Variants in F2RL1 observed in about 807,000 individuals in gnomAD.
The protein encoded by F2RL1 is F2R like trypsin receptor 1.
A neutral mutation model predicts 21.7 loss-of-function variants in F2RL1; 16 were observed. The ratio of observed to expected loss-of-function variants is 0.74; its 90% CI spans 0.50 to 1.12. The LOEUF is 1.12. F2RL1 is among the 50% of genes most tolerant of loss of function. The probability of loss-of-function intolerance (pLI) is 0.00; values close to 1 mark genes in which losing one functional copy is unlikely to be tolerated. For synonymous variants in F2RL1, 181 were observed against 186.7 expected (o/e 0.97, Z 0.25); for missense variants, 432 against 477.8 (o/e 0.90, Z 0.89).
chr5:76,819,708 C>T (rs371226085), intron 1 of F2RL1, among the ~76,000 whole-genome samples: 32 of 152,126 alleles, frequency 2.1e-4, no homozygotes, highest in East Asian at 1.2e-3. Flanking sequence ...CCGCTGGCCC[C>T]GCGGGGCCGG....
chr5:76,832,600 A>C, intron 1 of F2RL1, 90 bp from the exon 2 acceptor site: 3 of 1,277,524 alleles, frequency 2.3e-6, no homozygotes, highest in Non-Finnish European at 3.2e-6. Context: ...TTAAAAAATG[A>C]ATAAATGAAT....
chr5:76,835,082 T>TA lies in F2RL1; in HGVS notation c.*1287dup, dbSNP rs1750431320. 6.6e-6 allele frequency: 1 copy of TA among 152,348 alleles called. No individual in the cohort carries two copies. The highest frequency in any genetic ancestry group is 2.1e-4 in the South Asian group (1 of 4,836). The allele number at this position is 152,348 out of a possible 1,614,324, so 9.4% of individuals were successfully genotyped here. A position where few individuals can be genotyped will look rare whatever the true frequency, so the allele number is the denominator to read the frequency against. ...GAATAGCATTTGCCACTTAGTATTT[T>TA]AAAAAATAATTGTTGGAGTATTTAT... On this transcript the variant is annotated 3_prime_UTR_variant, in exon 2 of 2. Transcript: ENST00000296677.
rs192753826 is a variant in F2RL1 at position 76,825,659 on chromosome 5, C to T, written c.82+6395C>T. Among the ~76,000 whole-genome samples, 244 of 152,282 alleles carry T rather than the reference C, an allele frequency of 1.6e-3. 1 individual carries two copies. Among genetic ancestry groups the T allele is most frequent in the Admixed American group, 3.2e-3 (49 of 15,292 alleles). On this transcript the variant is annotated intron_variant, in intron 1 of 1. Coordinates refer to ENST00000296677, the MANE Select transcript of F2RL1 (RefSeq NM_005242.6). ...TGACAATTGGGAGCTGGGATAGCATCGGTTCTCTAGACAAGCTCTGTGAGT... is the reference window on the plus strand; with the variant it reads ...TGACAATTGGGAGCTGGGATAGCATTGGTTCTCTAGACAAGCTCTGTGAGT...
chr5:76,821,578 G>T (rs1189786867), intron 1 of F2RL1, among the ~76,000 whole-genome samples: 36 of 129,282 alleles, frequency 2.8e-4, no homozygotes, highest in Admixed American at 7.8e-4. Context: ...TGTTTTTTTG[G>T]TTTTTTGGGT....
intron 1 of F2RL1, among the ~76,000 whole-genome samples, chr5:76,825,801 C>T (rs914263639): frequency 3.9e-5 from 6 of 152,038 alleles, no homozygotes; most frequent in Admixed American, 3.3e-4. Context: ...TTAATATCAA[C>T]AATAGTTTTG....
chr5:76,829,664 A>G (rs1350248197), intron 1 of F2RL1, among the ~76,000 whole-genome samples: 5 of 152,154 alleles, frequency 3.3e-5, no homozygotes, highest in Non-Finnish European at 7.3e-5. Context: ...TTGTCATTCT[A>G]AGTTAAGTGG....
intron 1 of F2RL1, among the ~76,000 whole-genome samples, 198 bp from the exon 2 acceptor site, chr5:76,832,492 T>G (rs1027492662): frequency 6.6e-6 from 1 of 152,130 alleles, no homozygotes; most frequent in Non-Finnish European, 1.5e-5. Flanking sequence ...CCTGGCTGTT[T>G]AGGAGGATTG....
chr5:76,824,003 AG>A (rs1209941022), intron 1 of F2RL1, among the ~76,000 whole-genome samples: 1 of 151,416 alleles, frequency 6.6e-6, no homozygotes, highest in Non-Finnish European at 1.5e-5. Flanking sequence ...TAGTAGAGAC[AG>A]GGTTTAACCG....
At chr5:76,830,435 G>T (rs570412717) in intron 1 of F2RL1, among the ~76,000 whole-genome samples, 6 of 152,058 alleles carry the variant, frequency 3.9e-5, no homozygotes, top group African/African-American at 1.4e-4. Context: ...CTGCCACCAC[G>T]CCCGGCTAAT....
At chr5:76,829,095 G>A (rs536978778) in intron 1 of F2RL1, among the ~76,000 whole-genome samples, 2 of 150,012 alleles carry the variant, frequency 1.3e-5, no homozygotes, top group African/African-American at 2.5e-5. Flanking sequence ...CAGCCTGGGC[G>A]ACAGAGTAAG....
intron 1 of F2RL1, among the ~76,000 whole-genome samples, chr5:76,831,867 T>C (rs934831409): frequency 8.5e-5 from 13 of 152,074 alleles, no homozygotes; most frequent in South Asian, 2.1e-4. Flanking sequence ...AGGACTGTTG[T>C]TGGTCATGTG....
intron 1 of F2RL1, among the ~76,000 whole-genome samples, chr5:76,821,365 C>T (rs956929908): frequency 2.0e-5 from 3 of 152,138 alleles, no homozygotes; most frequent in African/African-American, 7.2e-5. Context: ...TCATCACCTA[C>T]GGGACCTCAG....
intron 1 of F2RL1, among the ~76,000 whole-genome samples, chr5:76,826,696 G>T (rs1031072749): frequency 2.0e-5 from 3 of 151,908 alleles, no homozygotes; most frequent in African/African-American, 7.3e-5. Flanking sequence ...AGTAGAGACT[G>T]GGTTTCACCA....
At chr5:76,822,508 G>A (rs2115499) in intron 1 of F2RL1, among the ~76,000 whole-genome samples, 81,673 of 152,062 alleles carry the variant, frequency 0.54, 22,448 homozygotes, top group South Asian at 0.72. Context: ...ATGAGCCACC[G>A]TGCCTGGCCA....
chr5:76,823,908 G>A (rs1750188134), intron 1 of F2RL1, among the ~76,000 whole-genome samples: 1 of 151,134 alleles, frequency 6.6e-6, no homozygotes, highest in African/African-American at 2.4e-5. Context: ...TGCCTCCCGG[G>A]TTCATGCCAT....
At chr5:76,825,102 G>C (rs192656680) in intron 1 of F2RL1, among the ~76,000 whole-genome samples, 6 of 151,512 alleles carry the variant, frequency 4.0e-5, no homozygotes, top group African/African-American at 1.2e-4. Flanking sequence ...TGCCTTCTGG[G>C]TTCAAGCGAT....
intron 1 of F2RL1, among the ~76,000 whole-genome samples, chr5:76,819,550 A>G (rs892876639): frequency 6.6e-6 from 1 of 152,082 alleles, no homozygotes; most frequent in Non-Finnish European, 1.5e-5. Context: ...GGGCACCTCC[A>G]GGCCCCAGCG....
intron 1 of F2RL1, among the ~76,000 whole-genome samples, chr5:76,824,127 A>AG (rs1318620253): frequency 2.1e-5 from 3 of 141,254 alleles, no homozygotes; most frequent in African/African-American, 7.9e-5. Flanking sequence ...AAACTTTTAT[A>AG]GGGGGGTAAT....
In F2RL1 at chr5:76,834,530, TACTC is replaced by T. The variant is rs1467457829; in HGVS notation, c.*731_*734del. 1 of 152,160 alleles carries T rather than the reference TACTC, an allele frequency of 6.6e-6. No homozygotes were observed. The highest frequency in any genetic ancestry group is 1.5e-5 in the Non-Finnish European group (1 of 68,038). 9.4% of individuals were successfully genotyped at this position (152,160 alleles called of 1,614,324 possible). ...TGTGGTGCACGTTTGTAATCCCAGT[TACTC>T]AGGAGGCTGAGGCACAAGAATTGAG... On this transcript the variant is annotated 3_prime_UTR_variant, in exon 2 of 2. Transcript: ENST00000296677.
Sources: gnomAD v4.1 joint callset for allele counts (sites outside exome capture counted in the v4.1 genomes callset) on GRCh38, gnomAD v4.1.1 for gene constraint, MANE v1.5 for transcripts, NCBI Gene and HGNC (gene_info 2026-07-23, HGNC 2026-07-21) for gene names.